The following KCNN2 variants were observed in gnomAD, a reference collection of about 807,000 sequenced individuals.
KCNN2 encodes the protein potassium calcium-activated channel subfamily N member 2.
In KCNN2, 24 loss-of-function variants were observed where a neutral mutation model predicts 55.5. That is an observed-to-expected ratio of 0.43 (90% CI 0.31 to 0.61). The LOEUF (loss-of-function observed/expected upper bound fraction) is 0.61, where lower values mean the gene tolerates loss of function less well. Ranked by LOEUF, KCNN2 falls within the 20% of genes least tolerant of loss-of-function variation. KCNN2 has a pLI of 0.08. For missense variants in KCNN2, 754 were observed against 853.6 expected (o/e 0.88, Z 1.45); for synonymous variants, 431 against 336.1 (o/e 1.28, Z -3.09).
chr5:114,084,814 A>G (rs578106732), intron 1 of KCNN2, among the ~76,000 whole-genome samples: 6 of 151,902 alleles, frequency 3.9e-5, no homozygotes, highest in Admixed American at 1.3e-4. Flanking sequence ...AACTAGGTCT[A>G]TGATTCAATT....
chr5:114,397,915 A>C (rs1201374403), intron 2 of KCNN2, among the ~76,000 whole-genome samples: 1 of 152,094 alleles, frequency 6.6e-6, no homozygotes, highest in Admixed American at 6.6e-5. Context: ...TTTCTTATAG[A>C]TGCTGGATAT....
chr5:114,471,497 G>A (rs748599451), intron 4 of KCNN2, among the ~76,000 whole-genome samples: 5 of 152,088 alleles, frequency 3.3e-5, no homozygotes, highest in Admixed American at 6.5e-5. Context: ...CGGAACCCAT[G>A]GATATAGAGA....
At chr5:114,426,129 C>T (rs2150084060) in intron 3 of KCNN2, among the ~76,000 whole-genome samples, 1 of 151,930 alleles carries the variant, frequency 6.6e-6, no homozygotes, top group East Asian at 1.9e-4. Flanking sequence ...TGCAGTAAGC[C>T]AAGATCATGC....
intron 2 of KCNN2, among the ~76,000 whole-genome samples, chr5:114,258,995 C>T (rs891642429): frequency 2.0e-5 from 3 of 152,214 alleles, no homozygotes; most frequent in Non-Finnish European, 4.4e-5. Flanking sequence ...CTCCAGCATA[C>T]CTGTGCCAAT....
At chr5:114,424,173 AATAATCCTGTATT>A (rs1422573477) in intron 3 of KCNN2, among the ~76,000 whole-genome samples, 1 of 152,230 alleles carries the variant, frequency 6.6e-6, no homozygotes, top group Non-Finnish European at 1.5e-5. Flanking sequence ...AACTATGGAT[AATAATCCTGTATT>A]ACTTGCCCTG....
chr5:114,193,737 C>G (rs1028172798), intron 1 of KCNN2, among the ~76,000 whole-genome samples: 24 of 152,268 alleles, frequency 1.6e-4, no homozygotes, highest in Middle Eastern at 3.4e-3. Context: ...AGCATCAGAA[C>G]TTTCTGTTTC....
In KCNN2 at chr5:114,362,816, T is replaced by C; in HGVS notation, c.677T>C (p.Leu226Pro). The change falls in exon 1 of 8, where the codon CTC becomes CCC. Residue 226 changes from leucine to proline, a missense_variant. Physicochemically the swap from Leu to Pro is moderately conservative, Grantham distance 98. Around this residue, in one of 4 missense-constraint regions of KCNN2, gnomAD observed 381 missense variants for 259.1 expected, o/e 1.47. Transcript: ENST00000673685. ...TACAACGGGGGCGTCATGCGGCCGC[T>C]CAGCAACTTGAGCGCGTCCCGCCGG... Reference protein sequence around the residue: ...CRYNGGVMRPLSNLSASRRNL... With the variant: ...CRYNGGVMRPPSNLSASRRNL... The C allele has an allele frequency of 6.3e-7, 1 of 1,598,590 alleles. No individual in the cohort carries two copies.
chr5:114,089,688 T>A (rs553393988), intron 1 of KCNN2, among the ~76,000 whole-genome samples: 2 of 149,432 alleles, frequency 1.3e-5, no homozygotes, highest in South Asian at 4.1e-4. Context: ...GTATTTCTTC[T>A]CCATAGAATG....
chr5:114,377,485 G>A (rs2150054524), intron 2 of KCNN2, among the ~76,000 whole-genome samples: 1 of 152,346 alleles, frequency 6.6e-6, no homozygotes, highest in South Asian at 2.1e-4. Flanking sequence ...GTGAAAAGCA[G>A]AAGAGCTGCT....
chr5:114,438,871 A>C (rs1760108084), intron 3 of KCNN2, among the ~76,000 whole-genome samples: 1 of 152,238 alleles, frequency 6.6e-6, no homozygotes, highest in African/African-American at 2.4e-5. Flanking sequence ...CTCTTTCTAC[A>C]GATAAATGTG....
chr5:114,244,792 C>G (rs1244974432), intron 2 of KCNN2, among the ~76,000 whole-genome samples: 1 of 152,140 alleles, frequency 6.6e-6, no homozygotes, highest in East Asian at 1.9e-4. Context: ...TGAAGCTTTA[C>G]TCATTGAAGC....
At chr5:114,062,315 A>T (rs943477896) in intron 1 of KCNN2, among the ~76,000 whole-genome samples, 9 of 152,204 alleles carry the variant, frequency 5.9e-5, no homozygotes, top group Admixed American at 1.3e-4. Flanking sequence ...CCTGCCAGAC[A>T]TGCAGTGCAG....
At chr5:114,347,774 GT>G (rs1757137875) in intron 2 of KCNN2, among the ~76,000 whole-genome samples, 1 of 152,110 alleles carries the variant, frequency 6.6e-6, no homozygotes, top group African/African-American at 2.4e-5. Context: ...GAGTAAATTA[GT>G]TTTTCGTAAT....
intron 2 of KCNN2, among the ~76,000 whole-genome samples, chr5:114,271,758 A>G (rs1043485080): frequency 3.3e-5 from 5 of 152,164 alleles, no homozygotes; most frequent in African/African-American, 1.2e-4. Flanking sequence ...TTTTATAGTC[A>G]GTCCAACATA....
At chr5:114,214,792 C>T (rs917869272) in intron 1 of KCNN2, among the ~76,000 whole-genome samples, 1 of 151,984 alleles carries the variant, frequency 6.6e-6, no homozygotes, top group African/African-American at 2.4e-5. Flanking sequence ...CATCCAAGAC[C>T]TAAATAAAAC....
Position 114,363,079 on chromosome 5 carries a change from G to C in KCNN2, c.940G>C (p.Gly314Arg). ...CGGCGGCGGTGGCGGGAGCGGGCAC[G>C]GCAGCAGCAGTGGCACCAAGTCCAG... is the stretch of plus-strand genomic sequence containing the variant. ...GGGGGGGSGH[G>R]SSSGTKSSKK... The change falls in exon 1 of 8, where the codon GGC becomes CGC. Residue 314 changes from glycine (G) to arginine (R), a missense_variant. Gly to Arg is a moderately radical substitution (Grantham distance 125). Around this residue, in one of 4 missense-constraint regions of KCNN2, gnomAD observed 381 missense variants for 259.1 expected, o/e 1.47. Transcript: ENST00000673685. 4 of 1,610,814 alleles carry C rather than the reference G, an allele frequency of 2.5e-6. No homozygotes were observed. The highest frequency in any genetic ancestry group is 3.4e-6 in the Non-Finnish European group (4 of 1,179,684).
chr5:114,424,136 T>A (rs1759549555), intron 3 of KCNN2, among the ~76,000 whole-genome samples: 1 of 152,248 alleles, frequency 6.6e-6, no homozygotes, highest in Non-Finnish European at 1.5e-5. Flanking sequence ...TACATTGACA[T>A]TTTTCTTAAA....
At chr5:114,222,965 A>G (rs1050022877) in intron 2 of KCNN2, among the ~76,000 whole-genome samples, 2 of 152,190 alleles carry the variant, frequency 1.3e-5, no homozygotes, top group Admixed American at 6.5e-5. Flanking sequence ...GATGAATGCC[A>G]TCTCTCATAA....
intron 4 of KCNN2, among the ~76,000 whole-genome samples, chr5:114,470,759 C>T (rs570819030): frequency 6.6e-6 from 1 of 152,192 alleles, no homozygotes; most frequent in African/African-American, 2.4e-5. Flanking sequence ...GAATTTTGAC[C>T]CTCTTGTTTT....
Sources: allele counts gnomAD v4.1 joint callset (sites outside exome capture counted in the v4.1 genomes callset), GRCh38; gene constraint gnomAD v4.1.1; regional missense constraint gnomAD v4.1.1; transcripts MANE v1.5; gene names NCBI Gene and HGNC (gene_info 2026-07-23, HGNC 2026-07-21).